Variants in HMCN2 observed in about 807,000 individuals in gnomAD.
The protein encoded by HMCN2 is hemicentin 2.
Under a neutral mutation model 377.5 loss-of-function variants are expected in HMCN2, and 325 were observed. The ratio of observed to expected loss-of-function variants is 0.86; its 90% CI spans 0.79 to 0.94. The LOEUF (loss-of-function observed/expected upper bound fraction) is 0.94, where lower values mean the gene tolerates loss of function less well. Among genes scored for constraint, HMCN2 ranks in the 40% least tolerant of loss-of-function variants. HMCN2 has a pLI of 0.00. For synonymous variants in HMCN2, 2,007 were observed against 2,046.8 expected (o/e 0.98, Z 0.53); for missense variants, 4,543 against 4,725.3 (o/e 0.96, Z 1.13).
At chr9:130,311,781 C>T (rs897620440) in intron 15 of HMCN2, among the ~76,000 whole-genome samples, 1 of 152,134 alleles carries the variant, frequency 6.6e-6, no homozygotes, top group East Asian at 1.9e-4. Context: ...AGCAGGACGG[C>T]TGCCACCTGG....
At chr9:130,282,527 C>T (rs184546790) in intron 1 of HMCN2, among the ~76,000 whole-genome samples, 43 of 152,182 alleles carry the variant, frequency 2.8e-4, no homozygotes, top group Admixed American at 2.2e-3. Flanking sequence ...GAGGAAAGGA[C>T]GTGGTGGGGA....
In HMCN2 at chr9:130,295,244, A is replaced by G. The variant is rs1836057851; in HGVS notation, c.784+218A>G. On this transcript the variant is annotated intron_variant, in intron 5 of 97. Coordinates refer to ENST00000683500, the MANE Select transcript of HMCN2 (RefSeq NM_001291815.2). Reference sequence around the variant, plus strand: ...GCAACCGGCGATGGGAATTAAAGTAATGGCGGTCCCTGCATCGTGAGACTC... The same window carrying G: ...GCAACCGGCGATGGGAATTAAAGTAGTGGCGGTCCCTGCATCGTGAGACTC... 1.3e-5 allele frequency among the ~76,000 whole-genome samples: 2 copies of G among 152,084 alleles called. 1 individual carries two copies. The highest frequency in any genetic ancestry group is 4.8e-5 in the African/African-American group (2 of 41,400).
rs570031961 is a variant in HMCN2, at chr9:130,395,403, C to A, written c.10911+56C>A. On this transcript the variant is annotated intron_variant, in intron 71 of 97. Coordinates refer to ENST00000683500, the MANE Select transcript of HMCN2 (RefSeq NM_001291815.2). ...CCTTCTGTCCCGCTCAGGCCTCAGA[C>A]CTGACCTGGCCGGATCCAAGATCCA... 29 of 1,219,558 alleles carry A rather than the reference C, an allele frequency of 2.4e-5. No individual in the cohort carries two copies. In the African/African-American group the frequency reaches 4.4e-4, roughly 19 times the overall value. The allele number at this position is 1,219,558 out of a possible 1,614,324, so 75.5% of individuals were successfully genotyped here. A position where few individuals can be genotyped will look rare whatever the true frequency, so the allele number is the denominator to read the frequency against.
Position 130,361,987 on chromosome 9 carries a change from C to T in HMCN2, c.5951-21C>T. 3 of 986,022 alleles carry T rather than the reference C, an allele frequency of 3.0e-6. No homozygotes were observed. Among genetic ancestry groups the T allele is most frequent in the Non-Finnish European group, 3.6e-6 (3 of 830,028 alleles). 61.1% of individuals were successfully genotyped at this position (986,022 alleles called of 1,614,324 possible). A position where few individuals can be genotyped will look rare whatever the true frequency, so the allele number is the denominator to read the frequency against. On this transcript the variant is annotated intron_variant, in intron 38 of 97. Transcript: ENST00000683500. This position sits in a 1 kb window ranked among gnomAD's most constrained non-coding sequence, Gnocchi z 4.8. The stretch of plus-strand genomic sequence containing the variant: ...CCCCAGTGGGGCTCAGCCTGTACCC[C>T]ATGTCACCCCTGCCCTGCAGTGCCC...
Position 130,351,404 on chromosome 9 carries a change from C to T in HMCN2, c.4431-19C>T. 7.7e-7 allele frequency: 1 copy of T among 1,294,966 alleles called. No homozygotes were observed. The highest frequency in any genetic ancestry group is 1.0e-6 in the Non-Finnish European group (1 of 982,168). 80.2% of individuals were successfully genotyped at this position (1,294,966 alleles called of 1,614,324 possible). ...GCCCCTCGGCCTTACTGGCGCTTTT[C>T]CCTTGCCCGTCTCTCCAGGCCTGTC... On this transcript the variant is annotated intron_variant, in intron 29 of 97. Transcript: ENST00000683500. This position sits in a 1 kb window ranked among gnomAD's most constrained non-coding sequence, Gnocchi z 5.4.
intron 15 of HMCN2, among the ~76,000 whole-genome samples, chr9:130,310,529 G>A (rs974657732): frequency 1.5e-4 from 23 of 152,190 alleles, no homozygotes; most frequent in South Asian, 2.1e-4. Context: ...ACAAGCCATC[G>A]CTTCTGCCCT....
At chr9:130,292,974 C>A (rs1178486310) in intron 4 of HMCN2, among the ~76,000 whole-genome samples, 4 of 132,444 alleles carry the variant, frequency 3.0e-5, no homozygotes, top group Non-Finnish European at 6.9e-5. Context: ...ATCTATCTAT[C>A]TATCTATCTA....
At chr9:130,374,115 G>A (rs1430312333) in intron 48 of HMCN2, among the ~76,000 whole-genome samples, 1 of 151,578 alleles carries the variant, frequency 6.6e-6, no homozygotes, top group Non-Finnish European at 1.5e-5. Flanking sequence ...TGGGTGGGCG[G>A]TGGGTGTGTG....
chr9:130,266,389 T>C (rs1834101860), intron 1 of HMCN2, among the ~76,000 whole-genome samples: 1 of 146,708 alleles, frequency 6.8e-6, no homozygotes, highest in African/African-American at 2.5e-5. Context: ...TCCCGCGCCG[T>C]TGTGAGACTT....
intron 22 of HMCN2, among the ~76,000 whole-genome samples, chr9:130,337,198 G>A (rs1374804567): frequency 6.6e-6 from 1 of 152,286 alleles, no homozygotes; most frequent in South Asian, 2.1e-4. Flanking sequence ...AGCCTGGCTG[G>A]GGGTCCTCGA....
intron 85 of HMCN2, among the ~76,000 whole-genome samples, chr9:130,413,160 T>C (rs1843514662): frequency 6.6e-6 from 1 of 152,258 alleles, no homozygotes; most frequent in South Asian, 2.1e-4. Context: ...ATTGCTAATA[T>C]GTAGAGATAC....
Position 130,356,265 on chromosome 9 carries a change from G to A in HMCN2, c.5425+8G>A, listed in dbSNP as rs936311648. 1.6e-6 allele frequency: 2 copies of A among 1,288,110 alleles called. No homozygotes were observed. 79.8% of individuals were successfully genotyped at this position (1,288,110 alleles called of 1,614,324 possible). On this transcript the variant is annotated splice_region_variant and intron_variant, in intron 34 of 97. Coordinates refer to ENST00000683500, the MANE Select transcript of HMCN2 (RefSeq NM_001291815.2). Reference sequence around the variant, plus strand: ...TGGAGGTGTCTGTGCATGGTGAGTGGGCGCCTGGGGTTCTGGAGCTGTGGG... The same window carrying A: ...TGGAGGTGTCTGTGCATGGTGAGTGAGCGCCTGGGGTTCTGGAGCTGTGGG...
At position 130,427,369 on chromosome 9, in the gene HMCN2, T is replaced by C. The variant is rs1844440171; in HGVS notation, c.13936T>C (p.Cys4646Arg). Residue 4646 changes from cysteine (C) to arginine (R), a missense_variant, in exon 91 of 98, where the codon TGT (cysteine) becomes CGT (arginine). Around this residue, in one of 5 missense-constraint regions of HMCN2, gnomAD observed 1,155 missense variants for 1,157.7 expected, o/e 1.00. Transcript: ENST00000683500. ...TGAGCTGGACTCCCAGGGAGCGTTT[T>C]GTGTGGGTGAGCGCCCCCAACCCTG... ...GFELDSQGAF[C>R]VDRDECSGGP... The C allele has an allele frequency of 6.4e-7, 1 of 1,550,524 alleles. No individual in the cohort carries two copies. The highest frequency in any genetic ancestry group is 2.0e-5 in the Admixed American group (1 of 50,972).
chr9:130,299,181 C>A lies in HMCN2; in HGVS notation c.1169C>A (p.Pro390His), dbSNP rs568200942. 1 of 471,192 alleles carries A rather than the reference C, an allele frequency of 2.1e-6. No individual in the cohort carries two copies. The highest frequency in any genetic ancestry group is 4.4e-6 in the Non-Finnish European group (1 of 227,048). 29.2% of individuals were successfully genotyped at this position (471,192 alleles called of 1,614,324 possible). A position where few individuals can be genotyped will look rare whatever the true frequency, so the allele number is the denominator to read the frequency against. The change falls in exon 8 of 98, where the codon CCC (proline) becomes CAC (histidine). Residue 390 changes from proline to histidine, a missense_variant. Physicochemically the swap from Pro to His is moderately conservative, Grantham distance 77. Around this residue, in one of 5 missense-constraint regions of HMCN2, gnomAD observed 547 missense variants for 189.9 expected, o/e 2.88. Transcript: ENST00000683500. ...GSTHQLWGGPPFHTPKERFYL... is the reference protein window; with the variant it reads ...GSTHQLWGGPHFHTPKERFYL... The stretch of plus-strand genomic sequence containing the variant: ...ACCCATCAGCTGTGGGGCGGGCCGC[C>A]CTTCCACACCCCCAAGGAGCGCTTC...
Position 130,393,286 on chromosome 9 carries a change from G to A in HMCN2, c.10211G>A (p.Arg3404Lys). Residue 3404 changes from arginine to lysine, a missense_variant, in exon 67 of 98, where the codon AGG (arginine) becomes AAG (lysine). This residue lies in a region of HMCN2 where 1,073 missense variants were observed against 1,319.5 expected (regional missense o/e 0.81). Coordinates refer to ENST00000683500, the MANE Select transcript of HMCN2 (RefSeq NM_001291815.2). The surrounding 1 kb of genome is among the most constrained non-coding windows in gnomAD (Gnocchi z 5.2). The stretch of plus-strand genomic sequence containing the variant: ...GCAAGCCCAGCTGGCGTGGCGGACA[G>A]GAACTTCACCTTGCAGGTGCAGGGT... ...VAASPAGVADRNFTLQVQVPP... is the reference protein window; with the variant it reads ...VAASPAGVADKNFTLQVQVPP... 1.0e-6 allele frequency: 1 copy of A among 988,608 alleles called. No individual in the cohort carries two copies. The highest frequency in any genetic ancestry group is 1.1e-4 in the East Asian group (1 of 8,802). The allele number at this position is 988,608 out of a possible 1,614,324, so 61.2% of individuals were successfully genotyped here. A position where few individuals can be genotyped will look rare whatever the true frequency, so the allele number is the denominator to read the frequency against.
At chr9:130,405,670 G>T (rs1279065704) in intron 81 of HMCN2, among the ~76,000 whole-genome samples, 2 of 152,254 alleles carry the variant, frequency 1.3e-5, no homozygotes, top group African/African-American at 4.8e-5. Flanking sequence ...TGCAGTGCAG[G>T]TCAAGTTCTG....
rs1554931501 is a variant in HMCN2, at chr9:130,295,015, A to G, written c.773A>G (p.Gln258Arg). 8.5e-6 allele frequency: 4 copies of G among 469,490 alleles called. No homozygotes were observed. The highest frequency in any genetic ancestry group is 6.2e-5 in the South Asian group (4 of 64,218). The allele number at this position is 469,490 out of a possible 1,614,324, so 29.1% of individuals were successfully genotyped here. Residue 258 changes from glutamine (Q) to arginine (R), a missense_variant, in exon 5 of 98, where the codon CAA (glutamine) becomes CGA (arginine). Gln to Arg is a conservative substitution (Grantham distance 43). This residue lies in a region of HMCN2 where 547 missense variants were observed against 189.9 expected (regional missense o/e 2.88). Coordinates refer to ENST00000683500, the MANE Select transcript of HMCN2 (RefSeq NM_001291815.2). The stretch of plus-strand genomic sequence containing the variant: ...GGGCCAGGGCCTGAGATTGAAGTCC[A>G]AGATCCGCTGGGTATGGACCACCCC... The part of the protein sequence containing the change: ...LSGPGPEIEV[Q>R]DPLGRILQED...
Position 130,375,866 on chromosome 9 carries a change from C to G in HMCN2, c.7805-10C>G, listed in dbSNP as rs1265312481. On this transcript the variant is annotated splice_polypyrimidine_tract_variant and intron_variant, in intron 50 of 97. Transcript: ENST00000683500. ...ATTTGGGGTGACCCTGGCCACTGGC[C>G]CCCACACAGGTACCCACGGGCTGCA... 1.0e-5 allele frequency: 10 copies of G among 985,488 alleles called. 1 individual carries two copies. The highest frequency in any genetic ancestry group is 1.7e-5 in the African/African-American group (1 of 57,236). 61.0% of individuals were successfully genotyped at this position (985,488 alleles called of 1,614,324 possible).
chr9:130,302,094 T>A (rs903577274), intron 8 of HMCN2, among the ~76,000 whole-genome samples: 43 of 150,262 alleles, frequency 2.9e-4, no homozygotes, highest in African/African-American at 1.0e-3. Context: ...CAGGCTGGAG[T>A]GTAGTGGTGT....
Sources: gnomAD v4.1 joint callset for allele counts (sites outside exome capture counted in the v4.1 genomes callset) on GRCh38, gnomAD v4.1.1 for gene constraint, gnomAD v4.1.1 regional missense constraint, Gnocchi (gnomAD v3.1) non-coding constraint, MANE v1.5 for transcripts, NCBI Gene and HGNC (gene_info 2026-07-23, HGNC 2026-07-21) for gene names.